Variants in HERC3 observed in about 807,000 individuals in gnomAD.
HERC3 encodes HECT and RLD domain containing E3 ubiquitin protein ligase 3.
HERC3 carries 58 observed loss-of-function variants against 129.9 expected under a neutral mutation model. The observed-to-expected ratio is 0.45, with a 90% CI of 0.36 to 0.56. The LOEUF (loss-of-function observed/expected upper bound fraction) is 0.56. HERC3 is among the 20% of genes least tolerant of loss of function. The pLI is 0.00. For synonymous variants in HERC3, 430 were observed against 451.0 expected, an observed-to-expected ratio of 0.95 and a Z score of 0.59; for missense variants, 835 against 1,244.2, an observed-to-expected ratio of 0.67 and a Z score of 4.95.
chr4:88,605,927 G>A lies in HERC3; in HGVS notation c.104G>A (p.Ser35Asn), dbSNP rs748798832. ...GTGTGTGGGTTCATATCTGACAGAA[G>A]TGTCAAGGAAGTGGCCTGTGGGGGA... ...PQVCGFISDR[S>N]VKEVACGGNH... The change falls in exon 3 of 26, where the codon AGT (serine) becomes AAT (asparagine). Residue 35 changes from serine (S) to asparagine (N), a missense_variant. Coordinates refer to ENST00000402738, the MANE Select transcript of HERC3 (RefSeq NM_014606.3). 6.2e-7 allele frequency: 1 copy of A among 1,614,218 alleles called. No homozygotes were observed. The highest frequency in any genetic ancestry group is 8.5e-7 in the Non-Finnish European group (1 of 1,180,034).
At chr4:88,681,454 T>C (rs1315408207) in intron 21 of HERC3, 129 bp downstream of exon 21, 11 of 753,250 alleles carry the variant, frequency 1.5e-5, no homozygotes, top group Non-Finnish European at 2.4e-5. Flanking sequence ...CTGTTATGTG[T>C]GTTTTGTCTA....
chr4:88,540,231 T>C, the HERC3 span, among the ~76,000 whole-genome samples: 22 of 152,204 alleles, frequency 1.4e-4, no homozygotes, highest in East Asian at 9.6e-4. Context: ...ATAAACAGTG[T>C]AGTGTAGAGA....
intron 16 of HERC3, among the ~76,000 whole-genome samples, chr4:88,675,545 G>A (rs2149309129): frequency 6.6e-6 from 1 of 152,090 alleles, no homozygotes; most frequent in East Asian, 1.9e-4. Context: ...TTAAGTTAAT[G>A]TTTGTTACGT....
At chr4:88,697,680 CTCCTCTGCCGCT>C (rs776871666) in intron 23 of HERC3, 1 of 1,612,474 alleles carries the variant, frequency 6.2e-7, no homozygotes, top group Non-Finnish European at 8.5e-7. Context: ...CCGCCATTAC[CTCCTCTGCCGCT>C]GCCTCCGCCG....
At chr4:88,568,771 T>C in the HERC3 span, among the ~76,000 whole-genome samples, 1 of 151,924 alleles carries the variant, frequency 6.6e-6, no homozygotes, top group South Asian at 2.1e-4. Context: ...AGCTAGTGCC[T>C]GGAATGGGAG....
the HERC3 span, chr4:88,527,709 C>A: frequency 3.4e-6 from 1 of 297,134 alleles, no homozygotes; most frequent in South Asian, 3.6e-5. Flanking sequence ...CGGTGGTTGC[C>A]TTCCTGGGCT....
the HERC3 span, among the ~76,000 whole-genome samples, chr4:88,579,247 A>G: frequency 6.7e-6 from 1 of 149,608 alleles, no homozygotes; most frequent in Admixed American, 6.6e-5. Flanking sequence ...ATATATATAT[A>G]TATATGAAAG....
chr4:88,524,951 A>G, the HERC3 span: 1 of 152,282 alleles, frequency 6.6e-6, no homozygotes, highest in African/African-American at 2.4e-5. Context: ...TTCCACTCCA[A>G]TGTAAAAATA....
In HERC3 at chr4:88,632,189, C is replaced by T. The variant is rs957813817; in HGVS notation, c.227-17651C>T. On this transcript the variant is annotated intron_variant, in intron 3 of 25. Transcript: ENST00000402738. Reference sequence around the variant, plus strand: ...TTGGCTCACCTCTGTGTTCTGCATGCGTGGATTTATTCTACTTAGCATATA... The same window carrying T: ...TTGGCTCACCTCTGTGTTCTGCATGTGTGGATTTATTCTACTTAGCATATA... Among the ~76,000 whole-genome samples, 8 of 152,108 alleles carry T rather than the reference C, an allele frequency of 5.3e-5. No homozygotes were observed. The East Asian group carries it at 1.2e-3, about 22-fold the overall frequency.
the HERC3 span, chr4:88,583,661 T>C: frequency 2.0e-5 from 3 of 152,198 alleles, no homozygotes; most frequent in Admixed American, 6.5e-5. Context: ...TTGACTGATA[T>C]TCTAACAGAA....
At chr4:88,688,450 A>T (rs150448741) in intron 23 of HERC3, among the ~76,000 whole-genome samples, 3 of 152,322 alleles carry the variant, frequency 2.0e-5, no homozygotes, top group African/African-American at 7.2e-5. Context: ...AAGGATGTTA[A>T]CAGCCAGAAT....
At chr4:88,685,654 G>A (rs576566070) in intron 21 of HERC3, among the ~76,000 whole-genome samples, 139 of 151,760 alleles carry the variant, frequency 9.2e-4, no homozygotes, top group African/African-American at 3.2e-3. Flanking sequence ...ATGCATGTGG[G>A]GCTTAAAACC....
At chr4:88,631,197 A>G (rs2915432) in intron 3 of HERC3, among the ~76,000 whole-genome samples, 16,331 of 152,166 alleles carry the variant, frequency 0.11, 1,587 homozygotes, top group East Asian at 0.29. Flanking sequence ...GTGGCTCACA[A>G]TAATCCCAGC....
intron 3 of HERC3, among the ~76,000 whole-genome samples, chr4:88,615,032 AT>A (rs1308547717): frequency 2.0e-5 from 3 of 152,214 alleles, no homozygotes; most frequent in Admixed American, 6.5e-5. Context: ...TACACACATT[AT>A]AAGGTTCACA....
intron 2 of HERC3, among the ~76,000 whole-genome samples, chr4:88,604,350 G>A (rs1205652431): frequency 2.0e-5 from 3 of 152,138 alleles, no homozygotes; most frequent in African/African-American, 4.8e-5. Flanking sequence ...ATAAAATTTA[G>A]GGGTTTTTAG....
Position 88,704,509 on chromosome 4 carries a change from C to T in HERC3, c.2843C>T (p.Thr948Ile). Residue 948 changes from threonine to isoleucine, a missense_variant and splice_region_variant, in exon 25 of 26, where the codon ACT becomes ATT. By Grantham distance (89) the Thr-to-Ile change is moderately conservative. Transcript: ENST00000402738. ...TTTCTTTTTCTCTTTTTTGGACAGA[C>T]TGCCATCTACAAGGGAGATTACTCG... ...SNYNWEELEETAIYKGDYSAT... is the reference protein window; with the variant it reads ...SNYNWEELEEIAIYKGDYSAT... 1 of 1,594,220 alleles carries T rather than the reference C, an allele frequency of 6.3e-7. No homozygotes were observed. The highest frequency in any genetic ancestry group is 8.6e-7 in the Non-Finnish European group (1 of 1,162,344).
chr4:88,539,951 C>T, the HERC3 span, among the ~76,000 whole-genome samples: 1 of 152,102 alleles, frequency 6.6e-6, no homozygotes, highest in Non-Finnish European at 1.5e-5. Context: ...ACAACAAAGA[C>T]CAAAGGTAGA....
At chr4:88,606,201 C>A in intron 3 of HERC3, 152 bp downstream of exon 3, 1 of 554,674 alleles carries the variant, frequency 1.8e-6, no homozygotes, top group Non-Finnish European at 3.1e-6. Context: ...GTTTGGAACC[C>A]TTGTGTCTAA....
rs376351686 is a variant in HERC3 at position 88,690,656 on chromosome 4, G to A, written c.2657+3357G>A. On this transcript the variant is annotated intron_variant, in intron 23 of 25. Coordinates refer to ENST00000402738, the MANE Select transcript of HERC3 (RefSeq NM_014606.3). ...GCAATTGGCAATGTAGTCTGCAATT[G>A]AGGCAGTGGCCAGAACTGCCTTATT... is the stretch of plus-strand genomic sequence containing the variant. 5.1e-6 allele frequency: 5 copies of A among 976,390 alleles called. No individual in the cohort carries two copies. The East Asian group carries it at 3.4e-4, about 67-fold the overall frequency. The allele number at this position is 976,390 out of a possible 1,614,324, so 60.5% of individuals were successfully genotyped here.
Sources: gnomAD v4.1 joint callset for allele counts (sites outside exome capture counted in the v4.1 genomes callset) on GRCh38, gnomAD v4.1.1 for gene constraint, MANE v1.5 for transcripts, NCBI Gene and HGNC (gene_info 2026-07-23, HGNC 2026-07-21) for gene names.